RANBP17: variants seen among roughly 807,000 people sequenced by gnomAD.
RANBP17 encodes ran-binding protein 17.
Under a neutral mutation model 141.2 loss-of-function variants are expected in RANBP17, and 158 were observed. The observed-to-expected ratio is 1.12, with a 90% CI of 0.98 to 1.28. The LOEUF (loss-of-function observed/expected upper bound fraction) is 1.28, where lower values mean the gene tolerates loss of function less well. Among genes scored for constraint, RANBP17 ranks in the 50% most tolerant of loss-of-function variants. The probability of loss-of-function intolerance (pLI) is 0.00; values close to 1 mark genes in which losing one functional copy is unlikely to be tolerated. For synonymous variants in RANBP17, 430 were observed against 450.0 expected, an observed-to-expected ratio of 0.96 and a Z score of 0.56; for missense variants, 1,438 against 1,290.7, an observed-to-expected ratio of 1.11 and a Z score of -1.75.
chr5:171,044,845 A>C (rs1236155337), intron 14 of RANBP17, among the ~76,000 whole-genome samples: 1 of 152,078 alleles, frequency 6.6e-6, no homozygotes. Context: ...TAATTAGTCT[A>C]TCCTAGATTG....
chr5:171,078,703 A>G (rs1785086527), intron 14 of RANBP17, among the ~76,000 whole-genome samples: 1 of 152,240 alleles, frequency 6.6e-6, no homozygotes, highest in Non-Finnish European at 1.5e-5. Flanking sequence ...ATGGAACAGC[A>G]AAGTCTGGAT....
chr5:171,194,633 C>A (rs1325805851), intron 18 of RANBP17, among the ~76,000 whole-genome samples: 1 of 152,100 alleles, frequency 6.6e-6, no homozygotes, highest in Non-Finnish European at 1.5e-5. Context: ...GTTTTTTCTA[C>A]CTTTGGTTAT....
chr5:171,060,505 G>T (rs1314960107), intron 14 of RANBP17, among the ~76,000 whole-genome samples: 1 of 152,106 alleles, frequency 6.6e-6, no homozygotes, highest in Non-Finnish European at 1.5e-5. Flanking sequence ...GCATCCCAGG[G>T]ATGAAGCCCA....
intron 22 of RANBP17, among the ~76,000 whole-genome samples, chr5:171,229,544 G>A (rs1000127650): frequency 2.0e-5 from 3 of 151,526 alleles, no homozygotes; most frequent in African/African-American, 7.3e-5. Flanking sequence ...ATAGGTGCCC[G>A]CCACCATGCC....
In RANBP17 at chr5:170,976,522, A is replaced by G. The variant is rs1011461366; in HGVS notation, c.1710+8145A>G. ...GTGTGAAATTAAAAGAACGCAGAAT[A>G]GCCAAAACAATCTTGGCCAAGAACA... On this transcript the variant is annotated intron_variant, in intron 14 of 27. Coordinates refer to ENST00000523189, the MANE Select transcript of RANBP17 (RefSeq NM_022897.5). Among the ~76,000 whole-genome samples, 83 of 152,174 alleles carry G rather than the reference A, an allele frequency of 5.5e-4. 2 individuals carry two copies. Among genetic ancestry groups the G allele is most frequent in the Non-Finnish European group, 1.5e-5 (1 of 67,978 alleles).
chr5:171,188,978 A>T (rs1417016434), intron 18 of RANBP17, among the ~76,000 whole-genome samples: 1 of 152,224 alleles, frequency 6.6e-6, no homozygotes, highest in Non-Finnish European at 1.5e-5. Context: ...GAATAATTGG[A>T]TTTTATTAGT....
At chr5:170,914,675 A>G (rs1324351909) in intron 8 of RANBP17, among the ~76,000 whole-genome samples, 1 of 152,152 alleles carries the variant, frequency 6.6e-6, no homozygotes, top group African/African-American at 2.4e-5. Context: ...ATAAGAAATG[A>G]AGGGGATCTA....
intron 14 of RANBP17, among the ~76,000 whole-genome samples, chr5:171,065,643 C>G (rs148675561): frequency 6.6e-6 from 1 of 152,026 alleles, no homozygotes; most frequent in African/African-American, 2.4e-5. Context: ...TTTGAGATAC[C>G]AGTTTTATCA....
chr5:170,914,230 T>C lies in RANBP17; in HGVS notation c.824T>C (p.Leu275Pro). The C allele has an allele frequency of 6.3e-7, 1 of 1,595,120 alleles. No homozygotes were observed. Among genetic ancestry groups the C allele is most frequent in the Non-Finnish European group, 8.6e-7 (1 of 1,163,122 alleles). ...TTGTATCATTCACTTCCACCACTAC[T>C]ATCTCAGTTAGTAAGTAAAAGTCAT... ...FNLYHSLPPL[L>P]SQLALSCLVQ... Residue 275 changes from leucine (L) to proline (P), a missense_variant, in exon 8 of 28, where the codon CTA (leucine) becomes CCA (proline). Coordinates refer to ENST00000523189, the MANE Select transcript of RANBP17 (RefSeq NM_022897.5).
chr5:171,081,931 A>G (rs995062826), intron 14 of RANBP17, among the ~76,000 whole-genome samples: 1 of 152,112 alleles, frequency 6.6e-6, no homozygotes, highest in Admixed American at 6.6e-5. Context: ...TTTCCTTATT[A>G]AAACTGAAAT....
intron 14 of RANBP17, among the ~76,000 whole-genome samples, chr5:171,111,342 A>G (rs1755216702): frequency 6.6e-6 from 1 of 152,170 alleles, no homozygotes; most frequent in Admixed American, 6.5e-5. Flanking sequence ...CTCAGTCACA[A>G]AATGAAAGAT....
At position 171,106,633 on chromosome 5, in the gene RANBP17, C is replaced by A. The variant is rs374223718; in HGVS notation, c.1711-63497C>A. 2.6e-5 allele frequency among the ~76,000 whole-genome samples: 4 copies of A among 152,202 alleles called. No individual in the cohort carries two copies. The East Asian group carries it at 7.7e-4, about 29-fold the overall frequency. On this transcript the variant is annotated intron_variant, in intron 14 of 27. Coordinates refer to ENST00000523189, the MANE Select transcript of RANBP17 (RefSeq NM_022897.5). Reference sequence around the variant, plus strand: ...GGAGCCTGATAATCCATTTGGGCATCGATTTGTCTTTATTGTTAACTTTGT... The same window carrying A: ...GGAGCCTGATAATCCATTTGGGCATAGATTTGTCTTTATTGTTAACTTTGT...
At chr5:170,913,222 A>G (rs1771675289) in intron 7 of RANBP17, among the ~76,000 whole-genome samples, 1 of 152,034 alleles carries the variant, frequency 6.6e-6, no homozygotes, top group Non-Finnish European at 1.5e-5. Flanking sequence ...AAAGTGGAAG[A>G]TAATGGAATT....
At chr5:171,113,736 T>C (rs1045478646) in intron 14 of RANBP17, among the ~76,000 whole-genome samples, 3 of 152,138 alleles carry the variant, frequency 2.0e-5, no homozygotes, top group Non-Finnish European at 4.4e-5. Flanking sequence ...TGCCAGGAGG[T>C]CTCAAAGTGA....
chr5:171,296,856 T>C (rs1471584368), intron 27 of RANBP17, among the ~76,000 whole-genome samples: 1 of 152,202 alleles, frequency 6.6e-6, no homozygotes, highest in African/African-American at 2.4e-5. Context: ...GAAATTGCAG[T>C]GAGCTGAGAT....
intron 13 of RANBP17, among the ~76,000 whole-genome samples, chr5:170,956,404 T>G (rs1217911472): frequency 1.3e-5 from 2 of 152,246 alleles, no homozygotes; most frequent in East Asian, 3.9e-4. Context: ...AAACTATTTC[T>G]TCAATAAAAT....
chr5:170,949,558 TAAAA>T (rs1318717753), intron 12 of RANBP17, among the ~76,000 whole-genome samples: 3 of 152,102 alleles, frequency 2.0e-5, no homozygotes, highest in African/African-American at 7.2e-5. Context: ...ATGGATATAA[TAAAA>T]AAGAAAACTA....
At chr5:171,248,236 G>A (rs1421977429) in intron 24 of RANBP17, among the ~76,000 whole-genome samples, 3 of 152,090 alleles carry the variant, frequency 2.0e-5, no homozygotes, top group East Asian at 1.9e-4. Context: ...GCGTGGTGGC[G>A]GGCGCCTGTA....
At position 170,914,244 on chromosome 5, in the gene RANBP17, A is replaced by G. The variant is rs749761478; in HGVS notation, c.834+4A>G. On this transcript the variant is annotated splice_donor_region_variant and intron_variant, in intron 8 of 27. Transcript: ENST00000523189. ...TCCACCACTACTATCTCAGTTAGTA[A>G]GTAAAAGTCATTCGTTATTTCGTTA... The G allele has an allele frequency of 3.4e-5, 53 of 1,563,230 alleles. No individual in the cohort carries two copies. Among genetic ancestry groups the G allele is most frequent in the Non-Finnish European group, 2.6e-6 (3 of 1,134,762 alleles).
Sources: gnomAD v4.1 joint callset for allele counts (sites outside exome capture counted in the v4.1 genomes callset) on GRCh38, gnomAD v4.1.1 for gene constraint, MANE v1.5 for transcripts, NCBI Gene and HGNC (gene_info 2026-07-23, HGNC 2026-07-21) for gene names.